The following TSHZ3 variants were observed in gnomAD, a reference collection of about 807,000 sequenced individuals.
TSHZ3 encodes teashirt zinc finger homeobox 3.
Under a neutral mutation model 64.5 loss-of-function variants are expected in TSHZ3, and 10 were observed. The observed-to-expected ratio is 0.16, with a 90% confidence interval of 0.10 to 0.26. The LOEUF is 0.26. TSHZ3 is among the 10% of genes least tolerant of loss of function. The pLI is 1.00. For synonymous variants in TSHZ3, 608 were observed against 593.1 expected, an observed-to-expected ratio of 1.03 and a Z score of -0.36; for missense variants, 1,242 against 1,421.7, an observed-to-expected ratio of 0.87 and a Z score of 2.03.
intron 5 of TSHZ3, among the ~76,000 whole-genome samples, chr19:31,193,230 T>A (rs1448785520): frequency 1.3e-5 from 2 of 152,190 alleles, no homozygotes; most frequent in African/African-American, 4.8e-5. Context: ...ATATCTGGCC[T>A]CTGTGGCTCC....
In TSHZ3 at chr19:31,349,392, C is replaced by T. The variant is rs888892408; in HGVS notation, c.-173G>A. On this transcript the variant is annotated 5_prime_UTR_variant, in exon 1 of 2. Coordinates refer to ENST00000240587, the MANE Select transcript of TSHZ3 (RefSeq NM_020856.4). ...GCGCCCAGGCTCTCCGCGTCCCCCCCGCGCCGCGCTCCGCCGCGAACCCCG... is the reference window on the plus strand; with the variant it reads ...GCGCCCAGGCTCTCCGCGTCCCCCCTGCGCCGCGCTCCGCCGCGAACCCCG... 8.4e-6 allele frequency: 4 copies of T among 478,664 alleles called. No homozygotes were observed. Among genetic ancestry groups the T allele is most frequent in the African/African-American group, 2.0e-5 (1 of 48,788 alleles). 29.7% of individuals were successfully genotyped at this position (478,664 alleles called of 1,614,324 possible).
chr19:31,159,643 G>T (rs1370667244), intron 5 of TSHZ3, among the ~76,000 whole-genome samples: 1 of 152,062 alleles, frequency 6.6e-6, no homozygotes, highest in East Asian at 1.9e-4. Flanking sequence ...GTACCTTGAT[G>T]GTGAGGAATG....
At chr19:31,265,397 CA>C (rs11432951) in intron 1 of TSHZ3, among the ~76,000 whole-genome samples, 724 of 34,266 alleles carry the variant, frequency 0.021, 9 homozygotes, top group Middle Eastern at 0.079. Flanking sequence ...AACTCTGTCT[CA>C]AAAAAAAAAA....
chr19:31,151,397 T>C (rs916869479), exon 7 of TSHZ3, among the ~76,000 whole-genome samples: 2 of 152,120 alleles, frequency 1.3e-5, no homozygotes, highest in Non-Finnish European at 2.9e-5. Flanking sequence ...GAAATTAACA[T>C]GAGCCATCTT....
At chr19:31,242,501 A>G (rs1975705481) in exon 3 of TSHZ3, among the ~76,000 whole-genome samples, 1 of 152,172 alleles carries the variant, frequency 6.6e-6, no homozygotes, top group Non-Finnish European at 1.5e-5. Flanking sequence ...GCAGCAGAAG[A>G]TGGGTGCCTC....
At chr19:31,267,144 G>C (rs1446517365) in intron 1 of TSHZ3, among the ~76,000 whole-genome samples, 1 of 152,220 alleles carries the variant, frequency 6.6e-6, no homozygotes, top group Non-Finnish European at 1.5e-5. Flanking sequence ...AAAGGCCAAG[G>C]CAGGTCTTAG....
chr19:31,157,284 C>A (rs1309957401), intron 5 of TSHZ3, among the ~76,000 whole-genome samples: 2 of 152,134 alleles, frequency 1.3e-5, no homozygotes, highest in Non-Finnish European at 2.9e-5. Flanking sequence ...GACTAAGTAG[C>A]AGCTAAAATG....
At chr19:31,172,022 A>G (rs1355635163) in intron 5 of TSHZ3, among the ~76,000 whole-genome samples, 1 of 151,830 alleles carries the variant, frequency 6.6e-6, no homozygotes, top group Non-Finnish European at 1.5e-5. Flanking sequence ...GGTTGGGGGG[A>G]TACTGGTCCT....
upstream of TSHZ3, among the ~76,000 whole-genome samples, chr19:31,350,077 G>T (rs2021667829): frequency 1.3e-5 from 1 of 77,760 alleles, no homozygotes. Flanking sequence ...TTCGTCCCCA[G>T]CCACCCCCCA....
chr19:31,188,277 A>G (rs1331335027), intron 5 of TSHZ3, among the ~76,000 whole-genome samples: 1 of 151,820 alleles, frequency 6.6e-6, no homozygotes, highest in Non-Finnish European at 1.5e-5. Context: ...CTATTTACAG[A>G]TTCTTTTGGA....
In TSHZ3 at chr19:31,279,422, T is replaced by C. The variant is rs1476304871; in HGVS notation, c.371A>G (p.Asn124Ser). 8.1e-6 allele frequency: 13 copies of C among 1,614,138 alleles called. No individual in the cohort carries two copies. Among genetic ancestry groups the C allele is most frequent in the Non-Finnish European group, 1.0e-5 (12 of 1,180,016 alleles). Reference protein sequence around the residue: ...SLEQMKAVYNNFLSNSYWSNL... With the variant: ...SLEQMKAVYNSFLSNSYWSNL... ...GGACCAGTAGGAGTTGGAGAGGAAG[T>C]TGTTGTACACGGCCTTCATCTGCTC... The change falls in exon 2 of 2, where the codon AAC becomes AGC. Residue 124 changes from asparagine to serine, a missense_variant. This residue lies in a region of TSHZ3 where 555 missense variants were observed against 704.0 expected (regional missense o/e 0.79). Transcript: ENST00000240587. The surrounding 1 kb of genome is among the most constrained non-coding windows in gnomAD (Gnocchi z 6.4).
intron 1 of TSHZ3, among the ~76,000 whole-genome samples, chr19:31,331,952 A>C (rs1379672487): frequency 6.6e-6 from 1 of 152,140 alleles, no homozygotes; most frequent in Non-Finnish European, 1.5e-5. Flanking sequence ...AGGAAGGGAG[A>C]GGAGGTACGT....
exon 3 of TSHZ3, among the ~76,000 whole-genome samples, chr19:31,242,455 C>T (rs551146711): frequency 1.3e-5 from 2 of 152,278 alleles, no homozygotes; most frequent in South Asian, 4.1e-4. Context: ...TCCTAGAGTA[C>T]AAAGGCCTGA....
chr19:31,284,330 C>G (rs1007209968), intron 1 of TSHZ3, among the ~76,000 whole-genome samples: 5 of 152,046 alleles, frequency 3.3e-5, no homozygotes, highest in African/African-American at 1.2e-4. Flanking sequence ...CATCCCCAAC[C>G]AACTCCCTGA....
In TSHZ3 at chr19:31,275,444, TTC is replaced by T. The variant is rs1051359278; in HGVS notation, c.*1101_*1102del. 5 of 150,770 alleles carry T rather than the reference TTC, an allele frequency of 3.3e-5. No homozygotes were observed. The highest frequency in any genetic ancestry group is 1.2e-4 in the African/African-American group (5 of 40,996). The allele number at this position is 150,770 out of a possible 1,614,324, so 9.3% of individuals were successfully genotyped here. On this transcript the variant is annotated 3_prime_UTR_variant, in exon 2 of 2. Transcript: ENST00000240587. ...AGTACAAGTTCTTTTTTTTTTTTTGTTCTTTTTTTTAACCTTTTCAAATAGAC... is the reference window on the plus strand; with the variant it reads ...AGTACAAGTTCTTTTTTTTTTTTTGTTTTTTTTTAACCTTTTCAAATAGAC...
Position 31,349,222 on chromosome 19 carries a change from T to G in TSHZ3, c.-3A>C. ...GCCTGCTGCTTCCTCCTCGGCATGA[T>G]GCTTCTCCGGCGACTGCCACTGCCG... is the stretch of plus-strand genomic sequence containing the variant. On this transcript the variant is annotated 5_prime_UTR_variant, in exon 1 of 2. Coordinates refer to ENST00000240587, the MANE Select transcript of TSHZ3 (RefSeq NM_020856.4). 6.5e-7 allele frequency: 1 copy of G among 1,537,834 alleles called. No individual in the cohort carries two copies. The highest frequency in any genetic ancestry group is 8.7e-7 in the Non-Finnish European group (1 of 1,143,182).
downstream of TSHZ3, among the ~76,000 whole-genome samples, chr19:31,274,008 C>T (rs1403702540): frequency 2.6e-5 from 4 of 151,926 alleles, no homozygotes; most frequent in African/African-American, 4.8e-5. Flanking sequence ...GATGGAATGC[C>T]GAGAGAAAAC....
chr19:31,279,088 C>G lies in TSHZ3; in HGVS notation c.705G>C (p.Glu235Asp). Residue 235 changes from glutamate (E) to aspartate (D), a missense_variant, in exon 2 of 2, where the codon GAG (glutamate) becomes GAC (aspartate). By Grantham distance (45) the Glu-to-Asp change is conservative. Around this residue, in one of 4 missense-constraint regions of TSHZ3, gnomAD observed 555 missense variants for 704.0 expected, o/e 0.79. Coordinates refer to ENST00000240587, the MANE Select transcript of TSHZ3 (RefSeq NM_020856.4). The surrounding 1 kb of genome is among the most constrained non-coding windows in gnomAD (Gnocchi z 6.4). ...GGTTGTCGTCGCGGTAATGCCCCGT[C>G]TCGTTCATGTGCACCGTCAACTCCA... ...TLVELTVHMN[E>D]TGHYRDDNHE... The G allele has an allele frequency of 6.2e-7, 1 of 1,614,076 alleles. No homozygotes were observed. The highest frequency in any genetic ancestry group is 1.6e-4 in the Middle Eastern group (1 of 6,062).
At chr19:31,298,568 T>C (rs1243510157) in intron 1 of TSHZ3, among the ~76,000 whole-genome samples, 1 of 152,156 alleles carries the variant, frequency 6.6e-6, no homozygotes, top group Non-Finnish European at 1.5e-5. Context: ...AAGCCTCCCA[T>C]CTACCTGCAG....
Sources: allele counts gnomAD v4.1 joint callset (sites outside exome capture counted in the v4.1 genomes callset), GRCh38; gene constraint gnomAD v4.1.1; regional missense constraint gnomAD v4.1.1; non-coding constraint Gnocchi (gnomAD v3.1); transcripts MANE v1.5; gene names NCBI Gene and HGNC (gene_info 2026-07-23, HGNC 2026-07-21).